Variants in SUGCT observed in about 807,000 individuals in gnomAD.
The protein encoded by SUGCT is succinyl-CoA:glutarate CoA-transferase.
A neutral mutation model predicts 55.0 loss-of-function variants in SUGCT; 41 were observed. That is an observed-to-expected ratio of 0.74 (90% confidence interval 0.58 to 0.97). The LOEUF (loss-of-function observed/expected upper bound fraction) is 0.97, where lower values mean the gene tolerates loss of function less well. SUGCT is among the 50% of genes least tolerant of loss of function. The pLI, the probability that SUGCT is intolerant of heterozygous loss-of-function variation, is 0.00. For missense variants in SUGCT, 568 were observed against 547.8 expected, an observed-to-expected ratio of 1.04 and a Z score of -0.37; for synonymous variants, 187 against 200.4, an observed-to-expected ratio of 0.93 and a Z score of 0.56.
At chr7:40,515,727 A>C (rs1297931694) in intron 12 of SUGCT, among the ~76,000 whole-genome samples, 1 of 152,148 alleles carries the variant, frequency 6.6e-6, no homozygotes, top group Non-Finnish European at 1.5e-5. Flanking sequence ...TGTTATAGGC[A>C]TTTGTATTGT....
intron 9 of SUGCT, among the ~76,000 whole-genome samples, chr7:40,338,481 A>G (rs1796844717): frequency 1.3e-5 from 2 of 151,878 alleles, no homozygotes; most frequent in South Asian, 4.2e-4. Context: ...TTCTCTTCTC[A>G]CTTCATTTCA....
chr7:40,531,463 G>T (rs1794081205), intron 12 of SUGCT, among the ~76,000 whole-genome samples: 1 of 151,374 alleles, frequency 6.6e-6, no homozygotes, highest in Admixed American at 6.6e-5. Flanking sequence ...TCTATCTATA[G>T]TATCAGTCAT....
chr7:40,373,418 T>C (rs1784397569), intron 9 of SUGCT, among the ~76,000 whole-genome samples: 1 of 148,492 alleles, frequency 6.7e-6, no homozygotes. Context: ...CCTAAAACTT[T>C]ATAAATTTTA....
intron 12 of SUGCT, among the ~76,000 whole-genome samples, chr7:40,537,751 AG>A (rs1259208265): frequency 3.3e-5 from 5 of 152,316 alleles, no homozygotes; most frequent in Middle Eastern, 3.4e-3. Context: ...TAATACTTTC[AG>A]GAAACTATCT....
At chr7:40,325,590 CTTGT>C (rs1795985516) in intron 9 of SUGCT, among the ~76,000 whole-genome samples, 1 of 152,106 alleles carries the variant, frequency 6.6e-6, no homozygotes, top group African/African-American at 2.4e-5. Flanking sequence ...GGTTTTAAAA[CTTGT>C]TTCTGTTTGT....
chr7:40,184,756 G>A (rs1785402139), intron 3 of SUGCT, among the ~76,000 whole-genome samples: 1 of 152,186 alleles, frequency 6.6e-6, no homozygotes, highest in Non-Finnish European at 1.5e-5. Context: ...GCTGAATAGT[G>A]TGTATGTATC....
intron 13 of SUGCT, among the ~76,000 whole-genome samples, chr7:40,850,384 A>G (rs1196168790): frequency 2.6e-5 from 4 of 152,196 alleles, no homozygotes; most frequent in Non-Finnish European, 4.4e-5. Flanking sequence ...ACTGAGCAAA[A>G]TGAATGAGTG....
the SUGCT span, among the ~76,000 whole-genome samples, chr7:40,984,057 C>T: frequency 1.3e-5 from 2 of 152,002 alleles, no homozygotes; most frequent in Non-Finnish European, 2.9e-5. Context: ...GGTTCAGAGC[C>T]CCAGTGGAAG....
the SUGCT span, among the ~76,000 whole-genome samples, chr7:41,036,251 T>G: frequency 6.6e-6 from 1 of 152,208 alleles, no homozygotes; most frequent in Non-Finnish European, 1.5e-5. Context: ...GTGTCTGGCC[T>G]CACCAGGAAA....
At chr7:40,563,765 A>G (rs966496026) in intron 12 of SUGCT, among the ~76,000 whole-genome samples, 9 of 151,712 alleles carry the variant, frequency 5.9e-5, no homozygotes, top group African/African-American at 2.2e-4. Context: ...AGGGGGGGAA[A>G]GCCTCTTATG....
chr7:40,739,678 A>T (rs756563115), intron 12 of SUGCT, among the ~76,000 whole-genome samples: 1 of 151,868 alleles, frequency 6.6e-6, no homozygotes, highest in African/African-American at 2.4e-5. Context: ...TACTTCCTCT[A>T]TTGCATTTGT....
chr7:40,369,501 CAT>C (rs1307404754), intron 9 of SUGCT, among the ~76,000 whole-genome samples: 2 of 152,106 alleles, frequency 1.3e-5, no homozygotes, highest in Non-Finnish European at 2.9e-5. Context: ...ACGCTTAAAA[CAT>C]ATACATTTGT....
intron 11 of SUGCT, among the ~76,000 whole-genome samples, chr7:40,485,003 C>T (rs77111894): frequency 0.028 from 4,292 of 152,148 alleles, 145 homozygotes; most frequent in African/African-American, 0.074. Context: ...TTAAAGTGAA[C>T]ATAATGATGG....
At chr7:40,146,640 G>T (rs1481615251) in intron 1 of SUGCT, among the ~76,000 whole-genome samples, 1 of 152,258 alleles carries the variant, frequency 6.6e-6, no homozygotes, top group Non-Finnish European at 1.5e-5. Flanking sequence ...ATTGTTTGTG[G>T]TTTAAGAACG....
intron 6 of SUGCT, among the ~76,000 whole-genome samples, chr7:40,199,364 TATC>T (rs1404335650): frequency 2.0e-5 from 3 of 152,198 alleles, no homozygotes; most frequent in Non-Finnish European, 4.4e-5. Flanking sequence ...ATGGTCCTCT[TATC>T]ATTTCAGAGG....
At chr7:40,383,619 G>A (rs939451977) in intron 9 of SUGCT, among the ~76,000 whole-genome samples, 1 of 152,202 alleles carries the variant, frequency 6.6e-6, no homozygotes, top group East Asian at 1.9e-4. Context: ...AGAGTAACAT[G>A]ATAGATGTCA....
intron 6 of SUGCT, among the ~76,000 whole-genome samples, chr7:40,231,442 TAG>T (rs1584404889): frequency 6.6e-6 from 1 of 152,144 alleles, no homozygotes; most frequent in East Asian, 1.9e-4. Flanking sequence ...ATAAGTACTT[TAG>T]AGAGAATGAA....
At chr7:40,313,132 T>C (rs1385802166) in intron 8 of SUGCT, among the ~76,000 whole-genome samples, 1 of 152,214 alleles carries the variant, frequency 6.6e-6, no homozygotes, top group Non-Finnish European at 1.5e-5. Flanking sequence ...CACTCTGTTA[T>C]CTAAAATAAT....
intron 6 of SUGCT, among the ~76,000 whole-genome samples, chr7:40,207,994 A>G (rs1181279781): frequency 2.0e-5 from 3 of 152,234 alleles, no homozygotes; most frequent in African/African-American, 7.2e-5. Context: ...ATGATGGAAT[A>G]TTATTCAGCC....
Sources: gnomAD v4.1 joint callset for allele counts (sites outside exome capture counted in the v4.1 genomes callset) on GRCh38, gnomAD v4.1.1 for gene constraint, MANE v1.5 for transcripts, NCBI Gene and HGNC (gene_info 2026-07-23, HGNC 2026-07-21) for gene names.